MEGF11: variants seen among roughly 807,000 people sequenced by gnomAD.
MEGF11 encodes the protein multiple EGF like domains 11, also known as multiple epidermal growth factor-like domains protein 11.
MEGF11 carries 126 observed loss-of-function variants against 146.6 expected under a neutral mutation model. The ratio of observed to expected loss-of-function variants is 0.86; its 90% CI spans 0.74 to 1.00. The LOEUF is 1.00. Ranked by LOEUF, MEGF11 falls within the 50% of genes least tolerant of loss-of-function variation. MEGF11 has a pLI of 0.00. For missense variants in MEGF11, 1,509 were observed against 1,521.2 expected (o/e 0.99, Z 0.13); for synonymous variants, 532 against 583.4 (o/e 0.91, Z 1.27).
At chr15:65,946,786 C>T (rs574599438) in intron 10 of MEGF11, among the ~76,000 whole-genome samples, 11 of 152,270 alleles carry the variant, frequency 7.2e-5, no homozygotes, top group African/African-American at 2.2e-4. Flanking sequence ...CTGCTCGAGA[C>T]GGCAGTGGCT....
intron 5 of MEGF11, among the ~76,000 whole-genome samples, chr15:66,000,361 T>C (rs1209730051): frequency 2.0e-5 from 3 of 152,076 alleles, no homozygotes; most frequent in Non-Finnish European, 4.4e-5. Flanking sequence ...AGACCCTGTC[T>C]CTACAAAAAA....
intron 9 of MEGF11, among the ~76,000 whole-genome samples, chr15:65,963,616 G>T (rs1427315251): frequency 1.3e-5 from 2 of 152,202 alleles, no homozygotes; most frequent in African/African-American, 2.4e-5. Flanking sequence ...GGTGCTCGGG[G>T]TTTCCTCCTC....
At position 65,935,322 on chromosome 15, in the gene MEGF11, G is replaced by GAAAAAAAAAAAA. The variant is rs71139449; in HGVS notation, c.1288-4391_1288-4380dup. On this transcript the variant is annotated intron_variant, in intron 10 of 25. Transcript: ENST00000395614. ...GTGACAGAGCGAGACTCCGTCTCAA[G>GAAAAAAAAAAAA]AAAAAAAAAAAAAAAAAAAAAAAAA... Among the ~76,000 whole-genome samples, 3 of 35,202 alleles carry GAAAAAAAAAAAA rather than the reference G, an allele frequency of 8.5e-5. 1 individual carries two copies. The highest frequency in any genetic ancestry group is 4.3e-4 in the African/African-American group (3 of 6,996). 23.1% of individuals were successfully genotyped at this position (35,202 alleles called of 152,430 possible).
At chr15:65,975,740 G>T (rs149359735) in intron 7 of MEGF11, among the ~76,000 whole-genome samples, 1 of 152,210 alleles carries the variant, frequency 6.6e-6, no homozygotes, top group Admixed American at 6.5e-5. Flanking sequence ...TTATAAAGAC[G>T]AAGTGAGATT....
At chr15:66,195,831 G>T (rs2090994514) in intron 1 of MEGF11, among the ~76,000 whole-genome samples, 1 of 152,170 alleles carries the variant, frequency 6.6e-6, no homozygotes, top group African/African-American at 2.4e-5. Context: ...CCGCGGTGGG[G>T]CCCTATCAGG....
intron 5 of MEGF11, among the ~76,000 whole-genome samples, chr15:65,990,511 C>T (rs2081998252): frequency 6.6e-6 from 1 of 151,064 alleles, no homozygotes. Flanking sequence ...GATGGCGCCA[C>T]TGTACTCCAA....
chr15:66,207,479 C>T (rs563288310), intron 1 of MEGF11, among the ~76,000 whole-genome samples: 2 of 152,114 alleles, frequency 1.3e-5, no homozygotes, highest in Non-Finnish European at 2.9e-5. Flanking sequence ...AATGAATAAA[C>T]TAAGACATTC....
intron 5 of MEGF11, among the ~76,000 whole-genome samples, chr15:66,057,206 A>T (rs1210402002): frequency 6.6e-6 from 1 of 152,258 alleles, no homozygotes; most frequent in African/African-American, 2.4e-5. Flanking sequence ...TCCAAAATTC[A>T]AACTGGAGGC....
chr15:65,934,960 T>A (rs150325549), intron 10 of MEGF11, among the ~76,000 whole-genome samples: 17 of 152,228 alleles, frequency 1.1e-4, no homozygotes, highest in African/African-American at 3.9e-4. Flanking sequence ...TCTGTGAACC[T>A]CTCTAGCAAG....
At chr15:66,235,433 T>A (rs918639384) in intron 1 of MEGF11, among the ~76,000 whole-genome samples, 1 of 151,204 alleles carries the variant, frequency 6.6e-6, no homozygotes, top group Non-Finnish European at 1.5e-5. Flanking sequence ...GCCTGGGAGG[T>A]TGAGGCTGCA....
At chr15:66,173,940 C>A (rs2090327817) in intron 1 of MEGF11, among the ~76,000 whole-genome samples, 1 of 152,206 alleles carries the variant, frequency 6.6e-6, no homozygotes, top group Non-Finnish European at 1.5e-5. Context: ...CCAGAACAGT[C>A]CTCAGAGGGG....
chr15:65,898,447 G>A (rs1809050374), intron 25 of MEGF11: 1 of 985,290 alleles, frequency 1.0e-6, no homozygotes, highest in African/African-American at 1.7e-5. Context: ...CAATCTGTGT[G>A]TGTGTGTGCG....
chr15:65,930,801 C>T (rs1220483065), intron 11 of MEGF11, 22 bp downstream of exon 11: 1 of 1,591,466 alleles, frequency 6.3e-7, no homozygotes, highest in Non-Finnish European at 8.6e-7. Flanking sequence ...CAGGGATGGG[C>T]TTGGGAGAGA....
rs1044735549 is a variant in MEGF11 at position 66,124,138 on chromosome 15, A to G, written c.99-138T>C. On this transcript the variant is annotated intron_variant, in intron 2 of 25. Coordinates refer to ENST00000395614, the MANE Select transcript of MEGF11 (RefSeq NM_001385028.1). ...CGGAGGCTCTGACCTCCCCCCTCCC[A>G]ACTATCCTCCCCCTGCCCTGAATGC... 1.3e-5 allele frequency: 9 copies of G among 675,302 alleles called. No homozygotes were observed. The Admixed American group carries it at 2.0e-4, about 15-fold the overall frequency. The allele number at this position is 675,302 out of a possible 1,614,324, so 41.8% of individuals were successfully genotyped here.
chr15:65,916,564 A>G, intron 17 of MEGF11: 1 of 694,364 alleles, frequency 1.4e-6, no homozygotes, highest in Non-Finnish European at 2.4e-6. Context: ...CCCACTGTCC[A>G]AGGAAGGTCT....
At position 66,201,778 on chromosome 15, in the gene MEGF11, CAAAAAAA is replaced by C. The variant is rs60006667; in HGVS notation, c.-9+51820_-9+51826del. Among the ~76,000 whole-genome samples the C allele has an allele frequency of 5.3e-4, 53 of 99,182 alleles. 1 individual carries two copies. Among genetic ancestry groups the C allele is most frequent in the African/African-American group, 2.1e-3 (53 of 25,094 alleles). 65.1% of individuals were successfully genotyped at this position (99,182 alleles called of 152,430 possible). On this transcript the variant is annotated intron_variant, in intron 1 of 25. Transcript: ENST00000395614. ...GTGAAACCCTGTTTACTAAAAATCC[CAAAAAAA>C]AAAAAAAAAAAATTAACCAGGCATG...
intron 1 of MEGF11, among the ~76,000 whole-genome samples, chr15:66,142,194 C>G (rs186227161): frequency 1.1e-4 from 16 of 152,318 alleles, no homozygotes; most frequent in African/African-American, 3.4e-4. Context: ...AATACTCTAA[C>G]AGCTTAAAAA....
intron 5 of MEGF11, among the ~76,000 whole-genome samples, chr15:66,005,689 ATATCT>A (rs1311783019): frequency 3.9e-5 from 6 of 152,166 alleles, no homozygotes; most frequent in African/African-American, 1.4e-4. Flanking sequence ...GGGCAGTGAC[ATATCT>A]TAGGTGGGAA....
At chr15:66,179,425 G>T (rs557381973) in intron 1 of MEGF11, among the ~76,000 whole-genome samples, 2 of 152,216 alleles carry the variant, frequency 1.3e-5, no homozygotes, top group African/African-American at 4.8e-5. Flanking sequence ...GAGCCATTCC[G>T]CCCAGCTGGA....
Sources: gnomAD v4.1 joint callset for allele counts (sites outside exome capture counted in the v4.1 genomes callset) on GRCh38, gnomAD v4.1.1 for gene constraint, MANE v1.5 for transcripts, NCBI Gene and HGNC (gene_info 2026-07-23, HGNC 2026-07-21) for gene names.